Variants in KCND2 observed in about 807,000 individuals in gnomAD.
KCND2 encodes the protein potassium voltage-gated channel subfamily D member 2.
A neutral mutation model predicts 54.4 loss-of-function variants in KCND2; 16 were observed. The observed-to-expected ratio is 0.29, with a 90% CI of 0.20 to 0.45. The LOEUF (loss-of-function observed/expected upper bound fraction) is 0.45, where lower values mean the gene tolerates loss of function less well. Ranked by LOEUF, KCND2 falls within the 20% of genes least tolerant of loss-of-function variation. KCND2 has a pLI of 1.00. For missense variants in KCND2, 486 were observed against 824.2 expected, an observed-to-expected ratio of 0.59 and a Z score of 5.02; for synonymous variants, 317 against 310.7, an observed-to-expected ratio of 1.02 and a Z score of -0.21.
chr7:120,533,535 G>C (rs1384291270), intron 1 of KCND2, among the ~76,000 whole-genome samples: 4 of 152,080 alleles, frequency 2.6e-5, no homozygotes, highest in African/African-American at 9.7e-5. Flanking sequence ...AGCTCTACAT[G>C]CTCTTGTTAA....
At chr7:120,394,000 G>A (rs1417074700) in intron 1 of KCND2, among the ~76,000 whole-genome samples, 1 of 151,942 alleles carries the variant, frequency 6.6e-6, no homozygotes, top group African/African-American at 2.4e-5. Context: ...CGTAAATTAT[G>A]GTTTTAAGTA....
At chr7:120,642,486 C>T (rs964951092) in intron 1 of KCND2, among the ~76,000 whole-genome samples, 9 of 151,230 alleles carry the variant, frequency 6.0e-5, no homozygotes, top group Middle Eastern at 3.5e-3. Flanking sequence ...CACTTGAACC[C>T]GGGAGGTGGG....
Position 120,483,279 on chromosome 7 carries a change from A to G in KCND2, c.1115+207532A>G, listed in dbSNP as rs567495224. ...AACAAAGGGAATGTTGAAGAAAGAAACACACAAAAAGGGAAACATGGTGAT... is the reference window on the plus strand; with the variant it reads ...AACAAAGGGAATGTTGAAGAAAGAAGCACACAAAAAGGGAAACATGGTGAT... On this transcript the variant is annotated intron_variant, in intron 1 of 5. Coordinates refer to ENST00000331113, the MANE Select transcript of KCND2 (RefSeq NM_012281.3). Among the ~76,000 whole-genome samples the G allele has an allele frequency of 1.1e-4, 17 of 152,322 alleles. No individual in the cohort carries two copies. The East Asian group carries it at 1.9e-3, about 17-fold the overall frequency.
chr7:120,742,616 A>G lies in KCND2; in HGVS notation c.1467+14A>G. On this transcript the variant is annotated intron_variant, in intron 4 of 5. Coordinates refer to ENST00000331113, the MANE Select transcript of KCND2 (RefSeq NM_012281.3). Reference sequence around the variant, plus strand: ...GAAAAAACCACGGTAAGGAGACAGCATGACTGCCTTCCCTTGCTCTCTGAC... The same window carrying G: ...GAAAAAACCACGGTAAGGAGACAGCGTGACTGCCTTCCCTTGCTCTCTGAC... The G allele has an allele frequency of 1.3e-6, 2 of 1,594,160 alleles. No individual in the cohort carries two copies. The highest frequency in any genetic ancestry group is 1.3e-5 in the African/African-American group (1 of 74,576).
At chr7:120,517,680 G>A (rs1165105394) in intron 1 of KCND2, among the ~76,000 whole-genome samples, 2 of 152,086 alleles carry the variant, frequency 1.3e-5, no homozygotes, top group African/African-American at 4.8e-5. Flanking sequence ...ATAAAGGGGA[G>A]CTATTTTGAA....
At chr7:120,572,433 T>G (rs926438249) in intron 1 of KCND2, among the ~76,000 whole-genome samples, 3 of 152,188 alleles carry the variant, frequency 2.0e-5, no homozygotes, top group East Asian at 3.8e-4. Context: ...TAAAAATGCC[T>G]TATGCGTATG....
chr7:120,534,202 TAC>T (rs1791875622), intron 1 of KCND2, among the ~76,000 whole-genome samples: 1 of 152,168 alleles, frequency 6.6e-6, no homozygotes, highest in Non-Finnish European at 1.5e-5. Flanking sequence ...GGGCTGATTT[TAC>T]AGTGGAGAAG....
At chr7:120,448,013 C>CA (rs1802042391) in intron 1 of KCND2, among the ~76,000 whole-genome samples, 1 of 151,806 alleles carries the variant, frequency 6.6e-6, no homozygotes, top group Admixed American at 6.6e-5. Flanking sequence ...GAAACTGGAC[C>CA]CAAAAAACCT....
intron 1 of KCND2, among the ~76,000 whole-genome samples, chr7:120,420,207 T>C (rs529788098): frequency 5.9e-5 from 9 of 152,266 alleles, no homozygotes; most frequent in African/African-American, 2.2e-4. Flanking sequence ...TACTGTATAA[T>C]TATTAACGAT....
At chr7:120,523,569 C>T (rs1466562675) in intron 1 of KCND2, among the ~76,000 whole-genome samples, 2 of 147,950 alleles carry the variant, frequency 1.4e-5, no homozygotes, top group Non-Finnish European at 3.0e-5. Flanking sequence ...TCTCGATAAG[C>T]CAAAAAAAAA....
Position 120,370,042 on chromosome 7 carries a change from A to C in KCND2, c.1115+94295A>C, listed in dbSNP as rs371711364. On this transcript the variant is annotated intron_variant, in intron 1 of 5. Coordinates refer to ENST00000331113, the MANE Select transcript of KCND2 (RefSeq NM_012281.3). ...ACTTGCAATGAAAACAAAACAACAC[A>C]AAAGGATGGTCTGTTTGCCTTCCTA... 8.5e-4 allele frequency among the ~76,000 whole-genome samples: 129 copies of C among 152,136 alleles called. 2 individuals carry two copies. The South Asian group carries it at 0.019, about 23-fold the overall frequency.
chr7:120,311,020 T>G (rs1021397345), intron 1 of KCND2, among the ~76,000 whole-genome samples: 1 of 152,112 alleles, frequency 6.6e-6, no homozygotes, highest in Non-Finnish European at 1.5e-5. Flanking sequence ...CATGTATGTA[T>G]GTATATACAT....
chr7:120,686,456 C>T (rs1000102772), intron 1 of KCND2, among the ~76,000 whole-genome samples: 7 of 152,138 alleles, frequency 4.6e-5, no homozygotes, highest in Non-Finnish European at 7.4e-5. Context: ...AGTTCTGCAG[C>T]GACCTCAGTT....
chr7:120,362,899 G>A (rs776535720), intron 1 of KCND2, among the ~76,000 whole-genome samples: 6 of 152,036 alleles, frequency 3.9e-5, no homozygotes, highest in Non-Finnish European at 8.8e-5. Context: ...GAAGGTCCAA[G>A]CAGAGTATTT....
intron 1 of KCND2, among the ~76,000 whole-genome samples, chr7:120,709,303 G>T (rs545435916): frequency 1.3e-5 from 2 of 152,104 alleles, no homozygotes; most frequent in African/African-American, 4.8e-5. Flanking sequence ...TTTATGTTGT[G>T]TAATACCAGC....
At chr7:120,362,514 A>G (rs958224543) in intron 1 of KCND2, among the ~76,000 whole-genome samples, 5 of 152,102 alleles carry the variant, frequency 3.3e-5, no homozygotes, top group South Asian at 2.1e-4. Flanking sequence ...CCAAGTAAAA[A>G]TATGTAAATA....
At chr7:120,687,846 T>A (rs1792223598) in intron 1 of KCND2, among the ~76,000 whole-genome samples, 2 of 152,176 alleles carry the variant, frequency 1.3e-5, no homozygotes, top group Admixed American at 6.5e-5. Context: ...AAATAGGGAT[T>A]GAGATTTACA....
chr7:120,499,756 C>T (rs1373241465), intron 1 of KCND2, among the ~76,000 whole-genome samples: 1 of 152,144 alleles, frequency 6.6e-6, no homozygotes, highest in Admixed American at 6.6e-5. Flanking sequence ...GAAGCCACGC[C>T]TGCCTCTTTG....
chr7:120,331,842 T>A (rs886865670), intron 1 of KCND2, among the ~76,000 whole-genome samples: 4 of 152,116 alleles, frequency 2.6e-5, no homozygotes, highest in African/African-American at 9.6e-5. Context: ...CTGCATATTG[T>A]GTCATATCCT....
Sources: allele counts gnomAD v4.1 joint callset (sites outside exome capture counted in the v4.1 genomes callset), GRCh38; gene constraint gnomAD v4.1.1; transcripts MANE v1.5; gene names NCBI Gene and HGNC (gene_info 2026-07-23, HGNC 2026-07-21).